DZIP1L: variants seen among roughly 807,000 people sequenced by gnomAD.
The protein encoded by DZIP1L is DAZ interacting zinc finger protein 1 like.
Under a neutral mutation model 88.7 loss-of-function variants are expected in DZIP1L, and 90 were observed. The ratio of observed to expected loss-of-function variants is 1.02; its 90% CI spans 0.86 to 1.21. The LOEUF is 1.21. Among genes scored for constraint, DZIP1L ranks in the 50% most tolerant of loss-of-function variants. DZIP1L has a pLI of 0.00. For synonymous variants in DZIP1L, 363 were observed against 372.1 expected, an observed-to-expected ratio of 0.98 and a Z score of 0.28; for missense variants, 932 against 955.8, an observed-to-expected ratio of 0.98 and a Z score of 0.33.
At chr3:138,113,080 A>G (rs1406870388) in intron 1 of DZIP1L, among the ~76,000 whole-genome samples, 1 of 152,226 alleles carries the variant, frequency 6.6e-6, no homozygotes, top group Non-Finnish European at 1.5e-5. Flanking sequence ...GGGACCCAAA[A>G]GAATATTTGT....
At chr3:138,108,119 G>A (rs1339418572) in intron 1 of DZIP1L, 35 of 806,606 alleles carry the variant, frequency 4.3e-5, no homozygotes, top group Non-Finnish European at 5.2e-5. Flanking sequence ...AAGTAGCTGG[G>A]ACTACAGGTG....
intron 1 of DZIP1L, among the ~76,000 whole-genome samples, chr3:138,112,735 T>G (rs1334273518): frequency 1.3e-5 from 2 of 152,070 alleles, no homozygotes; most frequent in Non-Finnish European, 1.5e-5. Context: ...TCGCCTGAGG[T>G]CAGGAGTTCA....
At chr3:138,075,683 A>G (rs1943371691) in intron 11 of DZIP1L, among the ~76,000 whole-genome samples, 3 of 152,228 alleles carry the variant, frequency 2.0e-5, no homozygotes, top group Non-Finnish European at 4.4e-5. Flanking sequence ...CATGGCATTA[A>G]ATGCTTACAT....
chr3:138,097,788 G>C lies in DZIP1L; in HGVS notation c.561C>G (p.Arg187=), dbSNP rs747673528. 1.2e-6 allele frequency: 2 copies of C among 1,612,982 alleles called. No homozygotes were observed. The highest frequency in any genetic ancestry group is 2.2e-5 in the South Asian group (2 of 90,626). The change falls in exon 3 of 16, where the codon CGC becomes CGG. Residue 187 remains arginine (R), a synonymous_variant. Transcript: ENST00000327532. ...CACCTTCTGCCACGCCTGCATGCCTGCGCTGGATGTGGCCCCGGAGAAAGG... is the reference window on the plus strand; with the variant it reads ...CACCTTCTGCCACGCCTGCATGCCTCCGCTGGATGTGGCCCCGGAGAAAGG... The part of the protein sequence containing the change: ...NATFLRGHIQ[R]RHAGVAEGGK...
Position 138,106,966 on chromosome 3 carries a change from G to A in DZIP1L, c.-81-2914C>T, listed in dbSNP as rs373384049. Among the ~76,000 whole-genome samples, 8 of 152,304 alleles carry A rather than the reference G, an allele frequency of 5.3e-5. No homozygotes were observed. The East Asian group carries it at 1.3e-3, about 26-fold the overall frequency. On this transcript the variant is annotated intron_variant, in intron 1 of 15. Transcript: ENST00000327532. The stretch of plus-strand genomic sequence containing the variant: ...CTTCTTCTGTGAAAGGCAGTGACAG[G>A]CCAGCCCTGCCTACCTCACAGGGTG...
At chr3:138,085,524 C>G (rs1011305357) in intron 7 of DZIP1L, among the ~76,000 whole-genome samples, 6 of 152,300 alleles carry the variant, frequency 3.9e-5, no homozygotes, top group Admixed American at 6.5e-5. Context: ...CATCACTGGC[C>G]ATCAGAGAAA....
Position 138,103,897 on chromosome 3 carries a change from C to A in DZIP1L, c.75G>T (p.Lys25Asn). The part of the protein sequence containing the change: ...LFGAYTFPTF[K>N]FQPRHDSMDW... ...CCATGCTATCATGGCGAGGCTGAAA[C>A]TTGAAGGTGGGGAACGTGTAGGCCC... Residue 25 changes from lysine to asparagine, a missense_variant, in exon 2 of 16, where the codon AAG becomes AAT. Transcript: ENST00000327532. 1.2e-6 allele frequency: 2 copies of A among 1,613,896 alleles called. No individual in the cohort carries two copies. The highest frequency in any genetic ancestry group is 1.1e-5 in the South Asian group (1 of 91,088).
intron 3 of DZIP1L, among the ~76,000 whole-genome samples, chr3:138,096,268 A>G (rs1033779338): frequency 5.3e-4 from 80 of 152,346 alleles, no homozygotes; most frequent in Non-Finnish European, 1.8e-4. Flanking sequence ...CTCTCCTTAC[A>G]GCACTTTACG....
intron 5 of DZIP1L, among the ~76,000 whole-genome samples, chr3:138,092,178 G>T (rs566878168): frequency 6.6e-6 from 1 of 150,556 alleles, no homozygotes; most frequent in Admixed American, 6.6e-5. Context: ...CTCATTCAAG[G>T]TCTCACAGCC....
At chr3:138,092,100 A>G (rs758006123) in intron 5 of DZIP1L, among the ~76,000 whole-genome samples, 4 of 152,246 alleles carry the variant, frequency 2.6e-5, no homozygotes, top group Non-Finnish European at 5.9e-5. Context: ...TACATACTGT[A>G]TATGTACTAA....
chr3:138,062,903 T>C lies in DZIP1L; in HGVS notation c.2217A>G (p.Lys739=), dbSNP rs1306293029. The C allele has an allele frequency of 3.7e-6, 6 of 1,614,010 alleles. No homozygotes were observed. The South Asian group carries it at 6.6e-5, about 18-fold the overall frequency. Residue 739 remains lysine, a synonymous_variant, in exon 16 of 16, where the codon AAA becomes AAG. Transcript: ENST00000327532. Reference sequence around the variant, plus strand: ...GCTTTGAGCGAGACAAGGGCTTGGGTTTCTCTCTCTGGTCCAGGTCCAGAG... The same window carrying C: ...GCTTTGAGCGAGACAAGGGCTTGGGCTTCTCTCTCTGGTCCAGGTCCAGAG... ...DLPLDLDQRE[K]PKPLSRSKLP...
At chr3:138,076,673 G>A (rs949564417) in intron 11 of DZIP1L, among the ~76,000 whole-genome samples, 16 of 152,218 alleles carry the variant, frequency 1.1e-4, no homozygotes, top group African/African-American at 3.4e-4. Flanking sequence ...ACCAAACATC[G>A]TATGTTCTCA....
rs771447458 is a variant in DZIP1L at position 138,064,751 on chromosome 3, C to T, written c.2019G>A (p.Ser673=). ...PGQGSGTLVQ[S]MVKNLEKQLE... ...GCTGCTTCTCCAGGTTTTTGACCAT[C>T]GACTGCACCAGTGTTCCTGGAAGGT... Residue 673 remains serine (S), a synonymous_variant, in exon 15 of 16, where the codon TCG becomes TCA. Transcript: ENST00000327532. 15 of 1,588,934 alleles carry T rather than the reference C, an allele frequency of 9.4e-6. No homozygotes were observed. Among genetic ancestry groups the T allele is most frequent in the South Asian group, 8.1e-5 (7 of 86,420 alleles).
chr3:138,083,487 G>C (rs1456060468), intron 8 of DZIP1L, among the ~76,000 whole-genome samples: 2 of 152,196 alleles, frequency 1.3e-5, no homozygotes, highest in Non-Finnish European at 2.9e-5. Flanking sequence ...CGACTGGGCA[G>C]AGAATTGTCA....
chr3:138,088,557 G>C (rs1467734982), intron 5 of DZIP1L, 50 bp from the exon 6 acceptor site: 1 of 1,594,786 alleles, frequency 6.3e-7, no homozygotes, highest in Non-Finnish European at 8.5e-7. Flanking sequence ...TCATCATGAT[G>C]TTGTCTTTTA....
chr3:138,092,046 A>G (rs1171316265), intron 5 of DZIP1L, among the ~76,000 whole-genome samples: 1 of 152,250 alleles, frequency 6.6e-6, no homozygotes, highest in Admixed American at 6.5e-5. Flanking sequence ...ATATTACTAT[A>G]TACCAGATAC....
chr3:138,088,835 C>T (rs898491062), intron 5 of DZIP1L: 2 of 1,009,076 alleles, frequency 2.0e-6, no homozygotes, highest in African/African-American at 1.7e-5. Flanking sequence ...CTGGAATACA[C>T]TGATGAGAAT....
At chr3:138,076,286 A>G (rs1472828995) in intron 11 of DZIP1L, among the ~76,000 whole-genome samples, 1 of 152,242 alleles carries the variant, frequency 6.6e-6, no homozygotes, top group African/African-American at 2.4e-5. Flanking sequence ...GGATGTGGTG[A>G]AAAGGGAACA....
intron 12 of DZIP1L, chr3:138,069,113 G>C: frequency 2.4e-6 from 2 of 817,246 alleles, no homozygotes; most frequent in Admixed American, 2.2e-5. Flanking sequence ...TTCCGACTCT[G>C]CCACCCGTGA....
Sources: gnomAD v4.1 joint callset for allele counts (sites outside exome capture counted in the v4.1 genomes callset) on GRCh38, gnomAD v4.1.1 for gene constraint, MANE v1.5 for transcripts, NCBI Gene and HGNC (gene_info 2026-07-23, HGNC 2026-07-21) for gene names.